Variants in HOATZ observed in about 807,000 individuals in gnomAD.
The protein encoded by HOATZ is HOATZ cilia and flagella associated protein, also known as cilia- and flagella-associated protein HOATZ.
A neutral mutation model predicts 24.9 loss-of-function variants in HOATZ; 26 were observed. That is an observed-to-expected ratio of 1.04 (90% CI 0.76 to 1.45). HOATZ has a LOEUF of 1.45. HOATZ is among the 40% of genes most tolerant of loss of function. HOATZ has a pLI of 0.00. For synonymous variants in HOATZ, 83 were observed against 76.6 expected (o/e 1.08, Z -0.43); for missense variants, 226 against 201.5 (o/e 1.12, Z -0.74).
intron 3 of HOATZ, among the ~76,000 whole-genome samples, chr11:111,527,360 T>C (rs1441211949): frequency 1.3e-5 from 2 of 152,180 alleles, no homozygotes; most frequent in Admixed American, 1.3e-4. Context: ...TTTTTCTCAT[T>C]TTAGTAAGTT....
intron 3 of HOATZ, among the ~76,000 whole-genome samples, chr11:111,518,275 C>T (rs1041905723): frequency 7.9e-5 from 12 of 152,028 alleles, no homozygotes; most frequent in Middle Eastern, 3.2e-3. Flanking sequence ...TGAAACTGTG[C>T]CTTCTTAGTA....
At chr11:111,520,611 C>T (rs1184396271) in intron 3 of HOATZ, among the ~76,000 whole-genome samples, 2 of 152,196 alleles carry the variant, frequency 1.3e-5, no homozygotes, top group Non-Finnish European at 2.9e-5. Context: ...TACAGTAGTC[C>T]TCCTTCCATG....
intron 3 of HOATZ, among the ~76,000 whole-genome samples, chr11:111,531,878 G>A (rs1483924694): frequency 6.6e-6 from 1 of 152,148 alleles, no homozygotes; most frequent in African/African-American, 2.4e-5. Flanking sequence ...CATGCCTGAG[G>A]TTTCTAGCTT....
At chr11:111,534,636 T>C (rs1867431346) in intron 5 of HOATZ, 172 bp downstream of exon 5, 1 of 614,846 alleles carries the variant, frequency 1.6e-6, no homozygotes, top group East Asian at 2.7e-5. Context: ...TTAAAGCCTG[T>C]GTACGAACTT....
In HOATZ at chr11:111,515,547, G is replaced by GT. The variant is rs1435341264; in HGVS notation, c.264dup (p.Asn89Ter). ...TCCTCGCAGTCTTTTCACCTTGCGA[G>GT]TAACAGTAAGTACCAAGTTTTATGC... On this transcript the variant is annotated frameshift_variant, in exon 2 of 6. Coordinates refer to ENST00000375618, the MANE Select transcript of HOATZ (RefSeq NM_001100388.2). LOFTEE classifies it high-confidence loss of function. 6.2e-7 allele frequency: 1 copy of GT among 1,612,474 alleles called. No homozygotes were observed. The highest frequency in any genetic ancestry group is 1.7e-5 in the Admixed American group (1 of 59,990).
At position 111,515,028 on chromosome 11, in the gene HOATZ, C is replaced by G; in HGVS notation, c.226+18C>G. On this transcript the variant is annotated intron_variant, in intron 1 of 5. Coordinates refer to ENST00000375618, the MANE Select transcript of HOATZ (RefSeq NM_001100388.2). ...AGGGTCTGGTGAGTAGAATAGCGGC[C>G]TCCTGTCAGTCATATCTGCCTCACC... 6.3e-7 allele frequency: 1 copy of G among 1,587,166 alleles called. No individual in the cohort carries two copies. Among genetic ancestry groups the G allele is most frequent in the South Asian group, 1.1e-5 (1 of 90,532 alleles).
chr11:111,529,553 G>A (rs1165789225), intron 3 of HOATZ, among the ~76,000 whole-genome samples: 11 of 151,860 alleles, frequency 7.2e-5, no homozygotes, highest in Admixed American at 5.2e-4. Context: ...TAGCAGAGAC[G>A]GGGTTTCACC....
chr11:111,529,583 C>T (rs7102419), intron 3 of HOATZ, among the ~76,000 whole-genome samples: 5,505 of 151,982 alleles, frequency 0.036, 337 homozygotes, highest in African/African-American at 0.12. Flanking sequence ...AGGATGGTCT[C>T]GAACTCCTGA....
chr11:111,514,779 G>T lies in HOATZ; in HGVS notation c.-6G>T, dbSNP rs1591552613. On this transcript the variant is annotated 5_prime_UTR_variant, in exon 1 of 6. Transcript: ENST00000375618. ...GAGGACGCTTGCAGAAGCGTCCTCA[G>T]TTGCCATGGAAACGGGACCCAGCGA... 4.0e-6 allele frequency: 6 copies of T among 1,494,840 alleles called. No homozygotes were observed. Among genetic ancestry groups the T allele is most frequent in the Non-Finnish European group, 5.4e-6 (6 of 1,105,856 alleles). 92.6% of individuals were successfully genotyped at this position (1,494,840 alleles called of 1,614,324 possible).
intron 5 of HOATZ, chr11:111,535,843 G>C (rs1486074211): frequency 6.6e-6 from 1 of 152,124 alleles, no homozygotes; most frequent in Admixed American, 6.5e-5. Context: ...AGTTTTAGTA[G>C]ATACAGGGTT....
intron 3 of HOATZ, among the ~76,000 whole-genome samples, chr11:111,517,390 A>G (rs1867217850): frequency 6.6e-6 from 1 of 152,206 alleles, no homozygotes; most frequent in African/African-American, 2.4e-5. Flanking sequence ...AAACTATTAT[A>G]AATTTCTATC....
intron 3 of HOATZ, among the ~76,000 whole-genome samples, chr11:111,526,171 T>C (rs1358927896): frequency 1.3e-5 from 2 of 152,154 alleles, no homozygotes; most frequent in Non-Finnish European, 2.9e-5. Context: ...GCACCGCACA[T>C]GTCAAAAGCT....
At chr11:111,529,157 T>C (rs193087495) in intron 3 of HOATZ, among the ~76,000 whole-genome samples, 108 of 152,264 alleles carry the variant, frequency 7.1e-4, no homozygotes, top group Non-Finnish European at 1.4e-3. Context: ...TCCTTTTTTT[T>C]CCAAACCCAT....
intron 1 of HOATZ, 48 bp downstream of exon 1, chr11:111,515,058 C>T: frequency 7.1e-7 from 1 of 1,413,234 alleles, no homozygotes. Context: ...CTCACCGTAA[C>T]TGGCCTGCAG....
chr11:111,533,636 A>G, intron 3 of HOATZ, 110 bp from the exon 4 acceptor site: 2 of 713,238 alleles, frequency 2.8e-6, no homozygotes, highest in East Asian at 6.0e-5. Flanking sequence ...TTAGGAAAAA[A>G]TATTTTAAAA....
intron 3 of HOATZ, chr11:111,526,632 C>A (rs1300279802): frequency 6.6e-6 from 1 of 152,032 alleles, no homozygotes; most frequent in East Asian, 1.9e-4. Flanking sequence ...GGAGGGGCTA[C>A]AAGTTTAGTT....
At chr11:111,529,447 T>C (rs1185681917) in intron 3 of HOATZ, among the ~76,000 whole-genome samples, 2 of 152,104 alleles carry the variant, frequency 1.3e-5, no homozygotes, top group Non-Finnish European at 2.9e-5. Flanking sequence ...CACTGCAACC[T>C]CCGCCTCCTG....
At chr11:111,519,875 C>T (rs1867250317) in intron 3 of HOATZ, among the ~76,000 whole-genome samples, 1 of 149,246 alleles carries the variant, frequency 6.7e-6, no homozygotes, top group Non-Finnish European at 1.5e-5. Context: ...TCTGAAAGCA[C>T]CTTTTTAACT....
intron 1 of HOATZ, 152 bp downstream of exon 1, chr11:111,515,162 C>T: frequency 1.6e-6 from 1 of 625,466 alleles, no homozygotes; most frequent in South Asian, 2.0e-5. Flanking sequence ...TGAACCCTTC[C>T]AGCAACCCTT....
Sources: gnomAD v4.1 joint callset for allele counts (sites outside exome capture counted in the v4.1 genomes callset) on GRCh38, gnomAD v4.1.1 for gene constraint, MANE v1.5 for transcripts, NCBI Gene and HGNC (gene_info 2026-07-23, HGNC 2026-07-21) for gene names.